POU2F1: variants seen among roughly 807,000 people sequenced by gnomAD.
The protein encoded by POU2F1 is POU class 2 homeobox 1.
A neutral mutation model predicts 84.9 loss-of-function variants in POU2F1; 16 were observed. The observed-to-expected ratio is 0.19, with a 90% CI of 0.13 to 0.29. The LOEUF (loss-of-function observed/expected upper bound fraction) is 0.29. POU2F1 is among the 10% of genes least tolerant of loss of function. The pLI, the probability that POU2F1 is intolerant of heterozygous loss-of-function variation, is 1.00. For synonymous variants in POU2F1, 368 were observed against 368.3 expected (o/e 1.00, Z 0.01); for missense variants, 738 against 942.6 (o/e 0.78, Z 2.84).
intron 2 of POU2F1, among the ~76,000 whole-genome samples, chr1:167,350,771 G>A (rs1471224617): frequency 6.6e-6 from 1 of 152,090 alleles, no homozygotes; most frequent in African/African-American, 2.4e-5. Flanking sequence ...GGCTGAGGCG[G>A]GCAGATCACC....
chr1:167,272,655 TG>T lies in POU2F1; in HGVS notation c.61+51698del, dbSNP rs200264512. ...TACACACTTTTAAACAACCAGATCTTGTGAGAACTCACTATTACAAGAACAG... is the reference window on the plus strand; with the variant it reads ...TACACACTTTTAAACAACCAGATCTTTGAGAACTCACTATTACAAGAACAG... On this transcript the variant is annotated intron_variant, in intron 1 of 15. Transcript: ENST00000367866. 6.2e-3 allele frequency among the ~76,000 whole-genome samples: 945 copies of T among 152,188 alleles called. 7 individuals are homozygous for T. Among genetic ancestry groups the T allele is most frequent in the Non-Finnish European group, 0.01 (681 of 68,010 alleles).
At chr1:167,385,009 T>C (rs2101882916) in intron 8 of POU2F1, among the ~76,000 whole-genome samples, 1 of 152,278 alleles carries the variant, frequency 6.6e-6, no homozygotes, top group Middle Eastern at 3.4e-3. Context: ...GCAAGTATGA[T>C]ACAAACTCAA....
rs1012844679 is a variant in POU2F1, at chr1:167,304,919, G to C, written c.62-27551G>C. ...GAAAAAAAATGATGTTATAGAAAGA[G>C]TATTATTCAGAAATTAATATAACAT... is the stretch of plus-strand genomic sequence containing the variant. On this transcript the variant is annotated intron_variant, in intron 1 of 15. Coordinates refer to ENST00000367866, the MANE Select transcript of POU2F1 (RefSeq NM_002697.4). Among the ~76,000 whole-genome samples, 3 of 152,142 alleles carry C rather than the reference G, an allele frequency of 2.0e-5. No homozygotes were observed. In the South Asian group the frequency reaches 6.2e-4, roughly 31 times the overall value.
intron 1 of POU2F1, among the ~76,000 whole-genome samples, chr1:167,273,303 A>G (rs923300333): frequency 6.6e-6 from 1 of 152,122 alleles, no homozygotes; most frequent in South Asian, 2.1e-4. Context: ...CAGTAGATCT[A>G]CCATTCTGGG....
intron 1 of POU2F1, among the ~76,000 whole-genome samples, chr1:167,277,767 A>G (rs1028292060): frequency 3.3e-5 from 5 of 152,226 alleles, no homozygotes; most frequent in Non-Finnish European, 7.3e-5. Context: ...ATGTCAGTGA[A>G]TAGCATCACC....
intron 1 of POU2F1, among the ~76,000 whole-genome samples, chr1:167,285,092 G>C (rs1396736107): frequency 6.6e-6 from 1 of 152,202 alleles, no homozygotes; most frequent in African/African-American, 2.4e-5. Context: ...AAAAGATGAA[G>C]TTTATGCCTT....
At chr1:167,366,356 A>T (rs1229447490) in intron 3 of POU2F1, among the ~76,000 whole-genome samples, 1 of 152,224 alleles carries the variant, frequency 6.6e-6, no homozygotes, top group Non-Finnish European at 1.5e-5. Flanking sequence ...GTGCCTAATG[A>T]TGGTAGTGGT....
chr1:167,339,582 C>T (rs1657700099), intron 2 of POU2F1, among the ~76,000 whole-genome samples: 1 of 152,222 alleles, frequency 6.6e-6, no homozygotes, highest in Admixed American at 6.5e-5. Context: ...AGACCTCTTT[C>T]ATCAGTACTC....
At chr1:167,222,771 A>G (rs1475920371) in intron 1 of POU2F1, among the ~76,000 whole-genome samples, 1 of 152,190 alleles carries the variant, frequency 6.6e-6, no homozygotes, top group African/African-American at 2.4e-5. Context: ...AGACTTTCTT[A>G]TACTTTGCAG....
intron 1 of POU2F1, among the ~76,000 whole-genome samples, chr1:167,229,112 G>A (rs1483859380): frequency 2.0e-5 from 3 of 151,820 alleles, no homozygotes. Flanking sequence ...AATCCTTTGT[G>A]TTGGTGTAAG....
At chr1:167,311,383 A>G (rs1471009720) in intron 1 of POU2F1, among the ~76,000 whole-genome samples, 1 of 152,212 alleles carries the variant, frequency 6.6e-6, no homozygotes, top group Middle Eastern at 3.2e-3. Context: ...AGCAAAAAAT[A>G]TCCTTCAGGA....
chr1:167,399,148 A>T, intron 11 of POU2F1, 38 bp from the exon 12 acceptor site: 1 of 1,554,268 alleles, frequency 6.4e-7, no homozygotes, highest in Non-Finnish European at 8.7e-7. Context: ...AGTTATTGCA[A>T]AGGATAGCTT....
At chr1:167,369,799 T>C (rs1376350471) in intron 3 of POU2F1, among the ~76,000 whole-genome samples, 1 of 152,222 alleles carries the variant, frequency 6.6e-6, no homozygotes, top group Non-Finnish European at 1.5e-5. Context: ...ATAGCTTATA[T>C]GTTCTTTAAC....
chr1:167,248,009 G>A (rs1436647792), intron 1 of POU2F1, among the ~76,000 whole-genome samples: 2 of 152,290 alleles, frequency 1.3e-5, no homozygotes, highest in East Asian at 3.9e-4. Context: ...GAAAAGAGGT[G>A]TGTAGTTGGA....
Position 167,417,667 on chromosome 1 carries a change from T to G in POU2F1, c.*1857T>G, listed in dbSNP as rs935542639. 1 of 152,186 alleles carries G rather than the reference T, an allele frequency of 6.6e-6. No homozygotes were observed. Among genetic ancestry groups the G allele is most frequent in the African/African-American group, 2.4e-5 (1 of 41,434 alleles). The allele number at this position is 152,186 out of a possible 1,614,324, so 9.4% of individuals were successfully genotyped here. ...TCTCTGGTGGTCCCAAGACTGCACT[T>G]TTTCTCCCTTTCGAGCTGGGGATGT... On this transcript the variant is annotated 3_prime_UTR_variant, in exon 16 of 16. Coordinates refer to ENST00000367866, the MANE Select transcript of POU2F1 (RefSeq NM_002697.4).
intron 1 of POU2F1, chr1:167,329,220 A>C: frequency 1.3e-6 from 2 of 1,539,858 alleles, no homozygotes; most frequent in Non-Finnish European, 1.8e-6. Context: ...CCCCACCCCA[A>C]ACTGCTACCT....
chr1:167,356,232 G>A (rs1280691676), intron 2 of POU2F1, among the ~76,000 whole-genome samples: 5 of 149,228 alleles, frequency 3.4e-5, no homozygotes, highest in African/African-American at 1.2e-4. Context: ...TCTACTCCTG[G>A]GCTCAAGGGA....
intron 9 of POU2F1, among the ~76,000 whole-genome samples, chr1:167,392,126 G>C (rs1648463168): frequency 6.6e-6 from 1 of 152,128 alleles, no homozygotes. Flanking sequence ...GAGGCAGGTG[G>C]ATCACCTGAG....
intron 1 of POU2F1, among the ~76,000 whole-genome samples, chr1:167,283,094 A>G (rs1032351109): frequency 6.6e-6 from 1 of 152,216 alleles, no homozygotes; most frequent in East Asian, 1.9e-4. Context: ...ATTATTTGAT[A>G]TTGAACTTCT....
Sources: allele counts gnomAD v4.1 joint callset (sites outside exome capture counted in the v4.1 genomes callset), GRCh38; gene constraint gnomAD v4.1.1; transcripts MANE v1.5; gene names NCBI Gene and HGNC (gene_info 2026-07-23, HGNC 2026-07-21).